LCORL: variants seen among roughly 807,000 people sequenced by gnomAD.
LCORL encodes the protein ligand dependent nuclear receptor corepressor like, also known as ligand-dependent nuclear receptor corepressor-like protein.
Under a neutral mutation model 141.8 loss-of-function variants are expected in LCORL, and 41 were observed. The ratio of observed to expected loss-of-function variants is 0.29; its 90% confidence interval spans 0.23 to 0.38. LCORL has a LOEUF of 0.38. Ranked by LOEUF, LCORL falls within the 10% of genes least tolerant of loss-of-function variation. The probability of loss-of-function intolerance (pLI) is 1.00; values close to 1 mark genes in which losing one functional copy is unlikely to be tolerated. For missense variants in LCORL, 1,759 were observed against 2,035.0 expected (o/e 0.86, Z 2.61); for synonymous variants, 618 against 694.1 (o/e 0.89, Z 1.72).
At chr4:17,927,124 G>A (rs1455002957) in intron 4 of LCORL, among the ~76,000 whole-genome samples, 1 of 152,196 alleles carries the variant, frequency 6.6e-6, no homozygotes, top group Non-Finnish European at 1.5e-5. Context: ...TGCAGCTTCC[G>A]TATCAGCACT....
chr4:17,950,622 G>C (rs560660852), intron 4 of LCORL, among the ~76,000 whole-genome samples: 1 of 152,262 alleles, frequency 6.6e-6, no homozygotes, highest in African/African-American at 2.4e-5. Flanking sequence ...ACTTCCAGGA[G>C]TTAATGGAAA....
chr4:17,862,356 C>A (rs1170571419), intron 7 of LCORL, among the ~76,000 whole-genome samples: 1 of 152,180 alleles, frequency 6.6e-6, no homozygotes, highest in Non-Finnish European at 1.5e-5. Context: ...GTAAGACTTA[C>A]TCACTATCAC....
chr4:17,880,563 C>T, intron 6 of LCORL: 1 of 962,368 alleles, frequency 1.0e-6, no homozygotes, highest in Non-Finnish European at 1.2e-6. Context: ...AATAAAACTG[C>T]TTCCTAAAGT....
chr4:17,875,240 C>T (rs1380839666), exon 7 of LCORL: 20 of 1,231,396 alleles, frequency 1.6e-5, no homozygotes, highest in South Asian at 8.2e-5. Flanking sequence ...TCACTTTTGC[C>T]GGTCTACCAG....
chr4:17,965,243 T>C (rs1377433413), intron 2 of LCORL, among the ~76,000 whole-genome samples: 1 of 152,190 alleles, frequency 6.6e-6, no homozygotes, highest in African/African-American at 2.4e-5. Flanking sequence ...ACTCTTTCTA[T>C]ATTAACTTTT....
intron 4 of LCORL, among the ~76,000 whole-genome samples, chr4:17,932,120 A>G (rs4698660): frequency 1.3e-5 from 2 of 152,100 alleles, no homozygotes; most frequent in Admixed American, 1.3e-4. Flanking sequence ...TGCCGTCCAT[A>G]CTTTTTCTCA....
rs374525488 is a variant in LCORL, at chr4:17,980,283, A to G, written c.155-7398T>C. 2.1e-4 allele frequency among the ~76,000 whole-genome samples: 32 copies of G among 152,348 alleles called. 1 individual carries two copies. The South Asian group carries it at 3.7e-3, about 18-fold the overall frequency. ...AGAGGGCTGGTCTGTGGCAAATTCAATATTTGATATTCTTCTACCTTTACT... is the reference window on the plus strand; with the variant it reads ...AGAGGGCTGGTCTGTGGCAAATTCAGTATTTGATATTCTTCTACCTTTACT... On this transcript the variant is annotated intron_variant, in intron 1 of 7. Coordinates refer to ENST00000635767, the Ensembl canonical transcript of LCORL.
chr4:17,944,422 G>T (rs1039164867), intron 4 of LCORL, among the ~76,000 whole-genome samples: 1 of 151,818 alleles, frequency 6.6e-6, no homozygotes, highest in Non-Finnish European at 1.5e-5. Context: ...ACTTATATCA[G>T]TATTAAAACA....
intron 7 of LCORL, among the ~76,000 whole-genome samples, chr4:17,865,835 A>G (rs1232663946): frequency 6.6e-6 from 1 of 152,160 alleles, no homozygotes; most frequent in Non-Finnish European, 1.5e-5. Flanking sequence ...GATGCACACT[A>G]AAGTTTGTGA....
intron 5 of LCORL, among the ~76,000 whole-genome samples, chr4:17,906,205 C>T (rs1469096447): frequency 6.6e-6 from 1 of 152,084 alleles, no homozygotes; most frequent in Non-Finnish European, 1.5e-5. Context: ...TTCATTTTTC[C>T]TTGTTTGGTA....
intron 4 of LCORL, among the ~76,000 whole-genome samples, chr4:17,944,699 T>C (rs1186767959): frequency 6.6e-6 from 1 of 152,162 alleles, no homozygotes; most frequent in Non-Finnish European, 1.5e-5. Context: ...TCTTATTTTA[T>C]GAAGGATATA....
chr4:17,967,015 A>G (rs777569648), intron 2 of LCORL, among the ~76,000 whole-genome samples: 3 of 152,184 alleles, frequency 2.0e-5, no homozygotes, highest in Admixed American at 6.5e-5. Flanking sequence ...TTTGAAAGTG[A>G]GCAAGATGTG....
intron 1 of LCORL, among the ~76,000 whole-genome samples, chr4:17,985,589 C>A (rs559663655): frequency 6.6e-6 from 1 of 152,202 alleles, no homozygotes; most frequent in South Asian, 2.1e-4. Context: ...GATTGCAACC[C>A]TGGCTTTTTT....
chr4:17,847,918 T>C (rs1166584464), intron 7 of LCORL, among the ~76,000 whole-genome samples: 1 of 152,166 alleles, frequency 6.6e-6, no homozygotes, highest in Non-Finnish European at 1.5e-5. Flanking sequence ...ATAGTAAGTA[T>C]TAAACTCCAA....
At chr4:17,917,602 T>C (rs1321501909) in intron 4 of LCORL, among the ~76,000 whole-genome samples, 5 of 152,364 alleles carry the variant, frequency 3.3e-5, no homozygotes, top group Non-Finnish European at 4.4e-5. Flanking sequence ...AAGCAAATGA[T>C]GCCAACATTA....
intron 1 of LCORL, among the ~76,000 whole-genome samples, chr4:17,974,395 A>G (rs992231937): frequency 2.6e-5 from 4 of 152,128 alleles, no homozygotes; most frequent in Non-Finnish European, 5.9e-5. Context: ...CTTTTTGTTT[A>G]AAAAAAGTCA....
intron 4 of LCORL, among the ~76,000 whole-genome samples, chr4:17,944,588 T>C (rs1229982537): frequency 6.6e-6 from 1 of 152,126 alleles, no homozygotes; most frequent in Non-Finnish European, 1.5e-5. Flanking sequence ...TTCCTTACTT[T>C]CTGGCAACAC....
chr4:17,948,788 G>GGGAGAAAATGGGAAACAATTTTCAGA (rs1739277987), intron 4 of LCORL, among the ~76,000 whole-genome samples: 1 of 151,892 alleles, frequency 6.6e-6, no homozygotes, highest in South Asian at 2.1e-4. Flanking sequence ...GAAAAAAAAA[G>GGGAGAAAATGGGAAACAATTTTCAGA]GGAGAAAATG....
intron 7 of LCORL, among the ~76,000 whole-genome samples, chr4:17,854,338 A>G (rs1014136857): frequency 1.3e-5 from 2 of 152,222 alleles, no homozygotes; most frequent in African/African-American, 2.4e-5. Flanking sequence ...TGGACACATA[A>G]TAAGGACACA....
Sources: allele counts gnomAD v4.1 joint callset (sites outside exome capture counted in the v4.1 genomes callset), GRCh38; gene constraint gnomAD v4.1.1; transcripts MANE v1.5; gene names NCBI Gene and HGNC (gene_info 2026-07-23, HGNC 2026-07-21).